The following JAZF1 variants were observed in gnomAD, a reference collection of about 807,000 sequenced individuals.
JAZF1 encodes juxtaposed with another zinc finger protein 1.
Under a neutral mutation model 26.4 loss-of-function variants are expected in JAZF1, and 8 were observed. The observed-to-expected ratio is 0.30, with a 90% CI of 0.18 to 0.55. The LOEUF is 0.55. Ranked by LOEUF, JAZF1 falls within the 20% of genes least tolerant of loss-of-function variation. JAZF1 has a pLI of 0.94. For missense variants in JAZF1, 199 were observed against 322.0 expected, an observed-to-expected ratio of 0.62 and a Z score of 2.92; for synonymous variants, 126 against 122.3, an observed-to-expected ratio of 1.03 and a Z score of -0.20.
chr7:27,891,131 A>C (rs1313115960), intron 3 of JAZF1, among the ~76,000 whole-genome samples: 4 of 152,152 alleles, frequency 2.6e-5, no homozygotes, highest in Admixed American at 2.0e-4. Flanking sequence ...GAATTATCTT[A>C]ACACTTTATT....
chr7:28,089,787 T>C (rs1196342487), intron 1 of JAZF1, among the ~76,000 whole-genome samples: 1 of 152,258 alleles, frequency 6.6e-6, no homozygotes, highest in African/African-American at 2.4e-5. Flanking sequence ...AAGAACTTGA[T>C]TGAACTGTGT....
chr7:27,900,792 T>C (rs1438277906), intron 2 of JAZF1, among the ~76,000 whole-genome samples: 6 of 152,138 alleles, frequency 3.9e-5, no homozygotes, highest in Non-Finnish European at 8.8e-5. Flanking sequence ...GTTTAAAAAG[T>C]TTTTTAATTG....
chr7:27,924,366 G>T (rs1784580274), intron 2 of JAZF1, among the ~76,000 whole-genome samples: 1 of 152,318 alleles, frequency 6.6e-6, no homozygotes, highest in Admixed American at 6.5e-5. Flanking sequence ...GTGAGCCAGT[G>T]TGCCCAGCTC....
chr7:28,105,740 G>A (rs1390231560), intron 1 of JAZF1, among the ~76,000 whole-genome samples: 2 of 152,078 alleles, frequency 1.3e-5, no homozygotes, highest in Non-Finnish European at 2.9e-5. Flanking sequence ...TCATTGCATT[G>A]AGTCTGTGTT....
chr7:27,959,570 A>C (rs1289115922), intron 2 of JAZF1, among the ~76,000 whole-genome samples: 1 of 152,338 alleles, frequency 6.6e-6, no homozygotes, highest in East Asian at 1.9e-4. Context: ...TACAGTAACC[A>C]TTCTCCATAC....
intron 1 of JAZF1, among the ~76,000 whole-genome samples, chr7:28,006,845 G>A (rs144502322): frequency 1.3e-5 from 2 of 152,254 alleles, no homozygotes; most frequent in East Asian, 1.9e-4. Flanking sequence ...TTGCCAGGTG[G>A]CCTTTCCTTT....
intron 2 of JAZF1, among the ~76,000 whole-genome samples, chr7:27,991,683 T>C (rs1437096425): frequency 6.6e-6 from 1 of 152,204 alleles, no homozygotes; most frequent in African/African-American, 2.4e-5. Flanking sequence ...ACTTCCAAAA[T>C]GAGCTTATAA....
In JAZF1 at chr7:27,831,191, C is replaced by G; in HGVS notation, c.*1609G>C. On this transcript the variant is annotated 3_prime_UTR_variant, in exon 5 of 5. Transcript: ENST00000283928. Reference sequence around the variant, plus strand: ...GTTTTTATAAATACTTTGAATCCCTCATAATGAAGGATTTTAGAACTTATG... The same window carrying G: ...GTTTTTATAAATACTTTGAATCCCTGATAATGAAGGATTTTAGAACTTATG... The G allele has an allele frequency of 4.5e-6, 1 of 223,144 alleles. No individual in the cohort carries two copies. The highest frequency in any genetic ancestry group is 9.0e-6 in the Non-Finnish European group (1 of 111,412). The allele number at this position is 223,144 out of a possible 1,614,324, so 13.8% of individuals were successfully genotyped here. A position where few individuals can be genotyped will look rare whatever the true frequency, so the allele number is the denominator to read the frequency against.
chr7:27,866,538 A>G (rs1309654952), intron 3 of JAZF1, among the ~76,000 whole-genome samples: 1 of 152,208 alleles, frequency 6.6e-6, no homozygotes, highest in Non-Finnish European at 1.5e-5. Flanking sequence ...TTTCATAAGC[A>G]TATTTAGGTT....
At chr7:27,902,104 G>C (rs780075058) in intron 2 of JAZF1, among the ~76,000 whole-genome samples, 5 of 152,144 alleles carry the variant, frequency 3.3e-5, no homozygotes, top group Non-Finnish European at 7.4e-5. Flanking sequence ...GCTACTTACA[G>C]ATTTTATTGT....
intron 1 of JAZF1, among the ~76,000 whole-genome samples, chr7:28,047,179 A>G (rs1472316214): frequency 6.6e-6 from 1 of 152,136 alleles, no homozygotes; most frequent in Non-Finnish European, 1.5e-5. Flanking sequence ...TTCTGAGTTG[A>G]AAGTTACCTT....
chr7:27,879,630 G>T (rs1402904525), intron 3 of JAZF1, among the ~76,000 whole-genome samples: 1 of 152,086 alleles, frequency 6.6e-6, no homozygotes, highest in Non-Finnish European at 1.5e-5. Context: ...CCATTTAAAA[G>T]GGTGGGGCCT....
At chr7:28,054,308 G>C (rs1783663085) in intron 1 of JAZF1, among the ~76,000 whole-genome samples, 1 of 152,118 alleles carries the variant, frequency 6.6e-6, no homozygotes, top group African/African-American at 2.4e-5. Flanking sequence ...AACTTAAAAA[G>C]AATCTACCCT....
At chr7:28,056,483 AAG>A (rs1783713832) in intron 1 of JAZF1, among the ~76,000 whole-genome samples, 1 of 150,940 alleles carries the variant, frequency 6.6e-6, no homozygotes, top group Non-Finnish European at 1.5e-5. Context: ...CACAATAAGA[AAG>A]AAATTCTTGA....
intron 2 of JAZF1, among the ~76,000 whole-genome samples, chr7:27,926,975 A>C (rs960098412): frequency 1.3e-5 from 2 of 152,228 alleles, no homozygotes; most frequent in African/African-American, 2.4e-5. Flanking sequence ...CTCAGGGGAC[A>C]GAACATCTCC....
At chr7:28,043,276 A>G (rs1783434300) in intron 1 of JAZF1, among the ~76,000 whole-genome samples, 1 of 152,190 alleles carries the variant, frequency 6.6e-6, no homozygotes, top group African/African-American at 2.4e-5. Flanking sequence ...CTCCAAGAAC[A>G]TGAGCTCTTT....
At chr7:27,915,393 AGC>A (rs1784430481) in intron 2 of JAZF1, among the ~76,000 whole-genome samples, 3 of 152,230 alleles carry the variant, frequency 2.0e-5, no homozygotes, top group African/African-American at 7.2e-5. Flanking sequence ...GTCATTAAAT[AGC>A]AAACTAGTCT....
At chr7:27,961,459 T>C (rs1785183844) in intron 2 of JAZF1, among the ~76,000 whole-genome samples, 1 of 152,218 alleles carries the variant, frequency 6.6e-6, no homozygotes, top group Non-Finnish European at 1.5e-5. Context: ...AGGCGATGAC[T>C]CAGACCCACT....
chr7:27,849,772 C>CACACACACACACACACACACAT (rs140580370), intron 3 of JAZF1, among the ~76,000 whole-genome samples: 2,141 of 147,046 alleles, frequency 0.015, 29 homozygotes, highest in Non-Finnish European at 0.022. Flanking sequence ...CACACACACA[C>CACACACACACACACACACACAT]ACCCCTACAC....
Sources: allele counts gnomAD v4.1 joint callset (sites outside exome capture counted in the v4.1 genomes callset), GRCh38; gene constraint gnomAD v4.1.1; transcripts MANE v1.5; gene names NCBI Gene and HGNC (gene_info 2026-07-23, HGNC 2026-07-21).